PTDSS1: variants seen among roughly 807,000 people sequenced by gnomAD.
The protein encoded by PTDSS1 is phosphatidylserine synthase 1.
Under a neutral mutation model 70.5 loss-of-function variants are expected in PTDSS1, and 45 were observed. The ratio of observed to expected loss-of-function variants is 0.64; its 90% CI spans 0.50 to 0.82. PTDSS1 has a LOEUF of 0.82. Among genes scored for constraint, PTDSS1 ranks in the 40% least tolerant of loss-of-function variants. The pLI is 0.00. For synonymous variants in PTDSS1, 188 were observed against 203.8 expected, an observed-to-expected ratio of 0.92 and a Z score of 0.66; for missense variants, 417 against 586.1, an observed-to-expected ratio of 0.71 and a Z score of 2.98.
chr8:96,295,270 C>T lies in PTDSS1; in HGVS notation c.600+14C>T, dbSNP rs746159122. The T allele has an allele frequency of 1.6e-5, 25 of 1,608,384 alleles. No homozygotes were observed. The highest frequency in any genetic ancestry group is 2.1e-5 in the Non-Finnish European group (25 of 1,176,942). ...GAGCTGACTGAGGTAAGAAGGAGGG[C>T]ATTGGGGGTTCCCCAGACTGTGCCA... On this transcript the variant is annotated intron_variant, in intron 5 of 12. Transcript: ENST00000517309.
intron 7 of PTDSS1, among the ~76,000 whole-genome samples, chr8:96,305,309 T>C (rs1811107270): frequency 6.6e-6 from 1 of 152,236 alleles, no homozygotes; most frequent in South Asian, 2.1e-4. Context: ...CTATTTTTTA[T>C]TTTGTGTCCT....
chr8:96,311,473 A>G (rs1811211122), intron 9 of PTDSS1, among the ~76,000 whole-genome samples: 1 of 152,222 alleles, frequency 6.6e-6, no homozygotes, highest in Non-Finnish European at 1.5e-5. Flanking sequence ...TCACCCAAAG[A>G]AGTCAACCAT....
chr8:96,285,358 T>C (rs1264278062), intron 3 of PTDSS1, among the ~76,000 whole-genome samples: 1 of 151,842 alleles, frequency 6.6e-6, no homozygotes, highest in Non-Finnish European at 1.5e-5. Context: ...AGGAGAGAAG[T>C]CAGAGAGTCA....
At chr8:96,306,236 C>T (rs1434213812) in intron 7 of PTDSS1, among the ~76,000 whole-genome samples, 2 of 152,330 alleles carry the variant, frequency 1.3e-5, no homozygotes, top group East Asian at 3.9e-4. Flanking sequence ...CCACCCCTGC[C>T]ACCTCTCCCT....
At chr8:96,329,721 G>GTC (rs1409867070) in intron 10 of PTDSS1, among the ~76,000 whole-genome samples, 1 of 152,172 alleles carries the variant, frequency 6.6e-6, no homozygotes, top group East Asian at 1.9e-4. Flanking sequence ...GGGCAGCCCT[G>GTC]TCCAGCTAAG....
chr8:96,298,228 G>C (rs762935168), intron 5 of PTDSS1, among the ~76,000 whole-genome samples: 2 of 152,156 alleles, frequency 1.3e-5, no homozygotes, highest in Non-Finnish European at 2.9e-5. Context: ...CAGCTACTCT[G>C]TAGCTTCTTG....
intron 8 of PTDSS1, among the ~76,000 whole-genome samples, chr8:96,308,231 TA>T (rs1811156209): frequency 6.6e-6 from 1 of 152,190 alleles, no homozygotes; most frequent in South Asian, 2.1e-4. Context: ...TCTGATACTA[TA>T]AAGTACAATA....
At chr8:96,330,013 C>G (rs1563587431) in intron 10 of PTDSS1, among the ~76,000 whole-genome samples, 200 bp from the exon 11 acceptor site, 1 of 152,150 alleles carries the variant, frequency 6.6e-6, no homozygotes, top group East Asian at 1.9e-4. Context: ...TAACTGTGGT[C>G]TCATCATAAC....
intron 9 of PTDSS1, among the ~76,000 whole-genome samples, chr8:96,311,595 G>A (rs895410179): frequency 3.9e-5 from 6 of 152,130 alleles, no homozygotes; most frequent in African/African-American, 1.4e-4. Context: ...TAGTTTTAAA[G>A]GCTAAAAATG....
At chr8:96,270,590 C>T (rs966206755) in intron 1 of PTDSS1, among the ~76,000 whole-genome samples, 1 of 152,206 alleles carries the variant, frequency 6.6e-6, no homozygotes, top group Non-Finnish European at 1.5e-5. Context: ...TAGAGTGTGA[C>T]ATTGGGGCCT....
At chr8:96,318,902 CTTTTTTTTTTTTTT>C (rs71267241) in intron 9 of PTDSS1, among the ~76,000 whole-genome samples, 1 of 46,168 alleles carries the variant, frequency 2.2e-5, no homozygotes, top group Non-Finnish European at 3.9e-5. Context: ...CCCTTCTTGC[CTTTTTTTTTTTTTT>C]TTTTTTTTTT....
chr8:96,282,380 G>A (rs113381613), intron 2 of PTDSS1, among the ~76,000 whole-genome samples: 66 of 152,332 alleles, frequency 4.3e-4, no homozygotes, highest in African/African-American at 1.5e-3. Flanking sequence ...GACTTTCTGA[G>A]AAAGAAGCAG....
At position 96,273,299 on chromosome 8, in the gene PTDSS1, G is replaced by T; in HGVS notation, c.180G>T (p.Arg60Ser). Residue 60 changes from arginine to serine, a missense_variant and splice_region_variant, in exon 2 of 13, where the codon AGG (arginine) becomes AGT (serine). Physicochemically the swap from Arg to Ser is moderately radical, Grantham distance 110 (BLOSUM62 -1). Around this residue, in one of 3 missense-constraint regions of PTDSS1, gnomAD observed 272 missense variants for 429.5 expected, o/e 0.63. Coordinates refer to ENST00000517309, the MANE Select transcript of PTDSS1 (RefSeq NM_014754.3). The part of the protein sequence containing the change: ...IVSLMYFAFT[R>S]DDSVPEDNIW... ...CTCAATGTTGTTTTTCTATTTTCAG[G>T]GATGACTCTGTTCCAGAAGACAACA... The T allele has an allele frequency of 6.3e-7, 1 of 1,593,302 alleles. No individual in the cohort carries two copies. The highest frequency in any genetic ancestry group is 8.5e-7 in the Non-Finnish European group (1 of 1,171,804).
chr8:96,319,435 C>A (rs1288270334), intron 9 of PTDSS1, among the ~76,000 whole-genome samples: 2 of 151,596 alleles, frequency 1.3e-5, no homozygotes, highest in African/African-American at 4.8e-5. Context: ...AATGAAGATA[C>A]AGAACACAAG....
chr8:96,287,911 T>C (rs377407069), intron 4 of PTDSS1, among the ~76,000 whole-genome samples: 4 of 152,070 alleles, frequency 2.6e-5, no homozygotes, highest in African/African-American at 9.7e-5. Context: ...TCTCTAACTT[T>C]CCTGACACCT....
chr8:96,278,323 T>C (rs945472390), intron 2 of PTDSS1, among the ~76,000 whole-genome samples: 5 of 152,196 alleles, frequency 3.3e-5, no homozygotes, highest in Non-Finnish European at 7.3e-5. Flanking sequence ...GGGACTAGGA[T>C]TACCTCTGCT....
intron 4 of PTDSS1, among the ~76,000 whole-genome samples, chr8:96,289,516 G>A (rs893451526): frequency 2.6e-5 from 4 of 152,180 alleles, no homozygotes; most frequent in African/African-American, 4.8e-5. Context: ...GGAGCTCTGG[G>A]CTAGGAACTG....
At chr8:96,292,712 A>G (rs1265554402) in intron 4 of PTDSS1, among the ~76,000 whole-genome samples, 1 of 152,236 alleles carries the variant, frequency 6.6e-6, no homozygotes, top group East Asian at 1.9e-4. Context: ...CAAGAGTTCA[A>G]AATCTCAGCT....
chr8:96,267,672 G>A (rs987436065), intron 1 of PTDSS1, among the ~76,000 whole-genome samples: 3 of 152,208 alleles, frequency 2.0e-5, no homozygotes, highest in African/African-American at 4.8e-5. Flanking sequence ...AAAGCTGGTT[G>A]ACATCGGTAT....
Sources: gnomAD v4.1 joint callset for allele counts (sites outside exome capture counted in the v4.1 genomes callset) on GRCh38, gnomAD v4.1.1 for gene constraint, gnomAD v4.1.1 regional missense constraint, MANE v1.5 for transcripts, NCBI Gene and HGNC (gene_info 2026-07-23, HGNC 2026-07-21) for gene names.